The following NME7 variants were observed in gnomAD, a reference collection of about 807,000 sequenced individuals.
NME7 encodes nucleoside diphosphate kinase 7.
In NME7, 41 loss-of-function variants were observed where a neutral mutation model predicts 49.1. That is an observed-to-expected ratio of 0.83 (90% CI 0.65 to 1.08). The LOEUF (loss-of-function observed/expected upper bound fraction) is 1.08. Among genes scored for constraint, NME7 ranks in the 50% least tolerant of loss-of-function variants. The pLI, the probability that NME7 is intolerant of heterozygous loss-of-function variation, is 0.00. For missense variants in NME7, 423 were observed against 463.4 expected (o/e 0.91, Z 0.80); for synonymous variants, 139 against 150.6 (o/e 0.92, Z 0.56).
intron 7 of NME7, among the ~76,000 whole-genome samples, chr1:169,281,437 C>G (rs372248046): frequency 1.1e-4 from 16 of 152,078 alleles, no homozygotes; most frequent in South Asian, 4.2e-4. Flanking sequence ...ATCTGAATAC[C>G]CTTTATTGCT....
rs1653940142 is a variant in NME7 at position 169,367,750 on chromosome 1, G to A, written c.-40C>T. ...AGCACTAGAAAATAGGTATCGTTGA[G>A]ACAGGAAGACACCACCACCACCACC... On this transcript the variant is annotated 5_prime_UTR_variant, in exon 1 of 12. Coordinates refer to ENST00000367811, the MANE Select transcript of NME7 (RefSeq NM_013330.5). 2 of 1,613,404 alleles carry A rather than the reference G, an allele frequency of 1.2e-6. No individual in the cohort carries two copies. Among genetic ancestry groups the A allele is most frequent in the Middle Eastern group, 1.7e-4 (1 of 6,060 alleles).
intron 10 of NME7, among the ~76,000 whole-genome samples, chr1:169,202,992 C>T (rs1027620040): frequency 6.6e-6 from 1 of 152,048 alleles, no homozygotes; most frequent in Non-Finnish European, 1.5e-5. Context: ...GGTGGGTCCT[C>T]AGTTGAATCC....
chr1:169,317,874 C>A (rs1397845495), intron 3 of NME7, among the ~76,000 whole-genome samples: 1 of 152,184 alleles, frequency 6.6e-6, no homozygotes, highest in Non-Finnish European at 1.5e-5. Flanking sequence ...CTTCCATTTG[C>A]TTCTCCATGT....
Position 169,298,606 on chromosome 1 carries a change from C to T in NME7, c.598G>A (p.Gly200Ser), listed in dbSNP as rs1571367326. The change falls in exon 6 of 12, where the codon GGC becomes AGC. Residue 200 changes from glycine (G) to serine (S), a missense_variant. Coordinates refer to ENST00000367811, the MANE Select transcript of NME7 (RefSeq NM_013330.5). ...GGGCCATGCGCTGCATTTCTTATGC[C>T]ATCTGTTCCAAAGAGGGCTCTAATG... is the stretch of plus-strand genomic sequence containing the variant. Reference protein sequence around the residue: ...ESIRALFGTDGIRNAAHGPDS... With the variant: ...ESIRALFGTDSIRNAAHGPDS... The T allele has an allele frequency of 6.8e-6, 11 of 1,613,912 alleles. No individual in the cohort carries two copies. The highest frequency in any genetic ancestry group is 9.3e-6 in the Non-Finnish European group (11 of 1,179,876).
At chr1:169,309,202 G>A (rs946580073) in intron 4 of NME7, among the ~76,000 whole-genome samples, 15 of 152,218 alleles carry the variant, frequency 9.9e-5, no homozygotes, top group African/African-American at 3.6e-4. Context: ...GTGTCTTATT[G>A]TTCTTTTCTT....
rs1206991918 is a variant in NME7 at position 169,169,462 on chromosome 1, C to T, written c.1083G>A (p.Glu361=). Residue 361 remains glutamate (E), a synonymous_variant, in exon 11 of 12, where the codon GAG becomes GAA. Coordinates refer to ENST00000367811, the MANE Select transcript of NME7 (RefSeq NM_013330.5). ...TTTATCTTACCTCTAATAGGCCATC[C>T]TCTGGCAGATCAGTACAGTGAACAG... ...QNAVHCTDLP[E]DGLLEVQYFF... is the part of the protein sequence containing the mutation. 3.1e-6 allele frequency: 5 copies of T among 1,613,268 alleles called. No individual in the cohort carries two copies. Among genetic ancestry groups the T allele is most frequent in the African/African-American group, 2.7e-5 (2 of 74,892 alleles).
intron 8 of NME7, among the ~76,000 whole-genome samples, chr1:169,236,897 T>C (rs1415910162): frequency 2.6e-5 from 4 of 151,998 alleles, no homozygotes; most frequent in Non-Finnish European, 5.9e-5. Flanking sequence ...GGTATTTCAC[T>C]ATCAAAAAAG....
At chr1:169,304,216 A>G (rs1239070910) in intron 4 of NME7, among the ~76,000 whole-genome samples, 1 of 152,230 alleles carries the variant, frequency 6.6e-6, no homozygotes, top group African/African-American at 2.4e-5. Context: ...TTAGCTAAAA[A>G]GTCTAAAAAA....
At chr1:169,363,892 A>G (rs940512407) in intron 1 of NME7, among the ~76,000 whole-genome samples, 4 of 152,228 alleles carry the variant, frequency 2.6e-5, no homozygotes, top group Non-Finnish European at 4.4e-5. Flanking sequence ...CATTGCCCTT[A>G]GCATTCCTGG....
intron 10 of NME7, among the ~76,000 whole-genome samples, chr1:169,214,333 AG>A (rs1368657677): frequency 6.6e-6 from 1 of 152,208 alleles, no homozygotes. Context: ...AGCCTGCTGA[AG>A]AAAAGAAGGG....
intron 11 of NME7, among the ~76,000 whole-genome samples, chr1:169,134,190 T>G (rs1353095302): frequency 2.0e-5 from 3 of 152,230 alleles, no homozygotes; most frequent in Non-Finnish European, 4.4e-5. Flanking sequence ...TAACAGCTAG[T>G]GAGAGATCTA....
At chr1:169,231,326 G>C (rs1274012663) in intron 9 of NME7, among the ~76,000 whole-genome samples, 1 of 152,114 alleles carries the variant, frequency 6.6e-6, no homozygotes. Flanking sequence ...TATGACCCCT[G>C]AAAGTATGGA....
intron 10 of NME7, chr1:169,190,743 C>G: frequency 2.6e-6 from 1 of 381,986 alleles, no homozygotes; most frequent in Non-Finnish European, 5.1e-6. Context: ...TGTAGGTTGA[C>G]TCATACTAAA....
At chr1:169,333,954 T>A (rs902596218) in intron 1 of NME7, among the ~76,000 whole-genome samples, 9 of 152,150 alleles carry the variant, frequency 5.9e-5, no homozygotes, top group Non-Finnish European at 1.0e-4. Context: ...AACAGTGCAC[T>A]GAAAAAAATG....
intron 1 of NME7, among the ~76,000 whole-genome samples, chr1:169,329,497 T>C (rs1652182084): frequency 1.4e-5 from 2 of 147,782 alleles, no homozygotes; most frequent in African/African-American, 5.0e-5. Context: ...AACAATGAGA[T>C]TGAAATAATT....
At chr1:169,235,034 G>T (rs1410816480) in intron 9 of NME7, 97 bp downstream of exon 9, 2 of 539,686 alleles carry the variant, frequency 3.7e-6, no homozygotes, top group African/African-American at 4.0e-5. Context: ...TTTCAGTCTG[G>T]CCATTTGGGA....
rs1301196138 is a variant in NME7 at position 169,257,017 on chromosome 1, G to C, written c.755-19330C>G. Reference sequence around the variant, plus strand: ...CTGCAGAGGTTACTGCTGTCTTTTTGTTTGTCTGTGCCCTGCCCCCAGAGG... The same window carrying C: ...CTGCAGAGGTTACTGCTGTCTTTTTCTTTGTCTGTGCCCTGCCCCCAGAGG... On this transcript the variant is annotated intron_variant, in intron 7 of 11. Coordinates refer to ENST00000367811, the MANE Select transcript of NME7 (RefSeq NM_013330.5). 1.5e-5 allele frequency among the ~76,000 whole-genome samples: 2 copies of C among 131,482 alleles called. 1 individual carries two copies. The highest frequency in any genetic ancestry group is 3.6e-5 in the Non-Finnish European group (2 of 55,924). The allele number at this position is 131,482 out of a possible 152,430, so 86.3% of individuals were successfully genotyped here. A position where few individuals can be genotyped will look rare whatever the true frequency, so the allele number is the denominator to read the frequency against.
At chr1:169,361,123 T>C (rs758823854) in intron 1 of NME7, among the ~76,000 whole-genome samples, 71 of 152,162 alleles carry the variant, frequency 4.7e-4, no homozygotes, top group Admixed American at 2.8e-3. Flanking sequence ...TGGAAAGTAC[T>C]CAATAAATAC....
At chr1:169,248,890 A>G (rs202194893) in intron 7 of NME7, among the ~76,000 whole-genome samples, 2 of 129,984 alleles carry the variant, frequency 1.5e-5, no homozygotes, top group East Asian at 2.7e-4. Flanking sequence ...TGTGGCAAAC[A>G]TCTGATAATG....
Sources: gnomAD v4.1 joint callset for allele counts (sites outside exome capture counted in the v4.1 genomes callset) on GRCh38, gnomAD v4.1.1 for gene constraint, MANE v1.5 for transcripts, NCBI Gene and HGNC (gene_info 2026-07-23, HGNC 2026-07-21) for gene names.